Variants in CREB1 observed in about 807,000 individuals in gnomAD.
The protein encoded by CREB1 is cAMP responsive element binding protein 1, also known as cyclic AMP-responsive element-binding protein 1.
CREB1 carries 2 observed loss-of-function variants against 42.0 expected under a neutral mutation model. The ratio of observed to expected loss-of-function variants is 0.05; its 90% CI spans 0.02 to 0.15. The LOEUF is 0.15. CREB1 is among the 10% of genes least tolerant of loss of function. The probability of loss-of-function intolerance (pLI) is 1.00; values close to 1 mark genes in which losing one functional copy is unlikely to be tolerated. For missense variants in CREB1, 199 were observed against 388.9 expected (o/e 0.51, Z 4.11); for synonymous variants, 123 against 139.9 (o/e 0.88, Z 0.85).
At chr2:207,591,898 C>G (rs2106636709) in intron 7 of CREB1, among the ~76,000 whole-genome samples, 1 of 152,222 alleles carries the variant, frequency 6.6e-6, no homozygotes, top group Non-Finnish European at 1.5e-5. Context: ...AACTATGGCA[C>G]AAGTAGAAAT....
intron 7 of CREB1, chr2:207,581,637 G>A (rs1177863758): frequency 1.2e-5 from 5 of 413,098 alleles, no homozygotes; most frequent in Non-Finnish European, 2.1e-5. Flanking sequence ...AACTTACAAA[G>A]GAGTTTTAAA....
chr2:207,582,123 A>G, intron 7 of CREB1: 1 of 702,970 alleles, frequency 1.4e-6, no homozygotes, highest in Non-Finnish European at 2.6e-6. Context: ...CTCTTTGTCC[A>G]GCCCATATTC....
rs1156963323 is a variant in CREB1 at position 207,601,308 on chromosome 2, T to C, written c.*4250T>C. The C allele has an allele frequency of 5.4e-6, 1 of 185,456 alleles. No homozygotes were observed. The highest frequency in any genetic ancestry group is 1.1e-5 in the Non-Finnish European group (1 of 87,536). The allele number at this position is 185,456 out of a possible 1,614,324, so 11.5% of individuals were successfully genotyped here. A position where few individuals can be genotyped will look rare whatever the true frequency, so the allele number is the denominator to read the frequency against. On this transcript the variant is annotated 3_prime_UTR_variant, in exon 8 of 8. Transcript: ENST00000353267. ...ATTAGCAACTTAAGAAATTCCCTCATCAAGTAATTCTCAACTTTTTAGTCT... is the reference window on the plus strand; with the variant it reads ...ATTAGCAACTTAAGAAATTCCCTCACCAAGTAATTCTCAACTTTTTAGTCT...
intron 7 of CREB1, 102 bp from the exon 8 acceptor site, chr2:207,596,812 G>C: frequency 7.6e-7 from 1 of 1,319,522 alleles, no homozygotes; most frequent in Non-Finnish European, 1.1e-6. Flanking sequence ...TAAAATGTTG[G>C]TTGCTGTGAG....
chr2:207,533,163 AAG>A (rs1157029444), intron 1 of CREB1, among the ~76,000 whole-genome samples: 1 of 152,156 alleles, frequency 6.6e-6, no homozygotes. Context: ...AGAATGTTAA[AAG>A]AACACTTCTT....
intron 3 of CREB1, among the ~76,000 whole-genome samples, chr2:207,561,484 A>G (rs1238418653): frequency 6.6e-6 from 1 of 152,198 alleles, no homozygotes; most frequent in Non-Finnish European, 1.5e-5. Context: ...GTGATGATCC[A>G]AAATATATCT....
intron 5 of CREB1, 65 bp from the exon 6 acceptor site, chr2:207,575,207 G>C (rs1445175296): frequency 6.9e-7 from 1 of 1,443,806 alleles, no homozygotes; most frequent in South Asian, 1.3e-5. Flanking sequence ...TTCTACATTG[G>C]ATGTAATGTT....
At chr2:207,577,072 T>C in intron 6 of CREB1, 2 of 963,466 alleles carry the variant, frequency 2.1e-6, no homozygotes, top group South Asian at 9.3e-5. Flanking sequence ...ATTTTGCTAT[T>C]TTATGAAAAA....
chr2:207,565,461 A>T (rs76557125), intron 3 of CREB1, among the ~76,000 whole-genome samples: 1,727 of 152,198 alleles, frequency 0.011, 18 homozygotes, highest in Middle Eastern at 0.02. Context: ...TGAATTGACA[A>T]AATCTTACAG....
chr2:207,560,232 A>G lies in CREB1; in HGVS notation c.121A>G (p.Met41Val), dbSNP rs753443934. The G allele has an allele frequency of 1.1e-5, 18 of 1,608,208 alleles. No homozygotes were observed. The highest frequency in any genetic ancestry group is 8.4e-5 in the Admixed American group (5 of 59,694). The change falls in exon 3 of 8, where the codon ATG becomes GTG. Residue 41 changes from methionine to valine, a missense_variant. This residue lies in a region of CREB1 where 53 missense variants were observed against 57.1 expected (regional missense o/e 0.93). Coordinates refer to ENST00000353267, the MANE Select transcript of CREB1 (RefSeq NM_004379.5). Reference protein sequence around the residue: ...PQIATLAQVSMPAAHATSSAP... With the variant: ...PQIATLAQVSVPAAHATSSAP... Reference sequence around the variant, plus strand: ...TCTGTGTTCAACACCATAGGTATCTATGCCAGCAGCTCATGCAACATCATC... The same window carrying G: ...TCTGTGTTCAACACCATAGGTATCTGTGCCAGCAGCTCATGCAACATCATC...
At chr2:207,561,249 A>G (rs1369133940) in intron 3 of CREB1, 1 of 1,215,632 alleles carries the variant, frequency 8.2e-7, no homozygotes, top group Non-Finnish European at 1.2e-6. Flanking sequence ...TTTCCTCTAT[A>G]AACATGGAAT....
chr2:207,570,831 T>C (rs2551921), intron 5 of CREB1, among the ~76,000 whole-genome samples: 23,666 of 152,124 alleles, frequency 0.16, 2,033 homozygotes, highest in Middle Eastern at 0.2. Context: ...GATAGTAATA[T>C]ACTTTTTGGC....
At chr2:207,583,506 T>G (rs963299196) in intron 7 of CREB1, among the ~76,000 whole-genome samples, 3 of 152,216 alleles carry the variant, frequency 2.0e-5, no homozygotes, top group African/African-American at 7.2e-5. Flanking sequence ...TATACACTTC[T>G]TTTTGTTTTT....
chr2:207,566,993 C>G (rs1478800615), intron 3 of CREB1, among the ~76,000 whole-genome samples: 1 of 151,846 alleles, frequency 6.6e-6, no homozygotes, highest in African/African-American at 2.4e-5. Context: ...CTAGGAACAA[C>G]TGTCAGGGAT....
chr2:207,539,464 C>T (rs2081009314), intron 1 of CREB1, among the ~76,000 whole-genome samples: 1 of 152,040 alleles, frequency 6.6e-6, no homozygotes, highest in Non-Finnish European at 1.5e-5. Context: ...ATCATTTATT[C>T]AGTGAAGATT....
intron 5 of CREB1, among the ~76,000 whole-genome samples, chr2:207,574,430 T>C (rs2106563479): frequency 6.6e-6 from 1 of 152,338 alleles, no homozygotes; most frequent in African/African-American, 2.4e-5. Context: ...TCATCTAATT[T>C]TTAAATTAAA....
chr2:207,571,121 C>A (rs1450390589), intron 5 of CREB1, among the ~76,000 whole-genome samples: 3 of 140,558 alleles, frequency 2.1e-5, no homozygotes, highest in African/African-American at 7.7e-5. Flanking sequence ...TACCCTTTTC[C>A]CCACCCACCT....
intron 1 of CREB1, among the ~76,000 whole-genome samples, chr2:207,548,427 C>G (rs1470028701): frequency 6.6e-6 from 1 of 152,046 alleles, no homozygotes; most frequent in East Asian, 1.9e-4. Context: ...ATAAATAAAT[C>G]AGGGAATTTG....
At chr2:207,533,269 A>G (rs2080729058) in intron 1 of CREB1, among the ~76,000 whole-genome samples, 2 of 152,132 alleles carry the variant, frequency 1.3e-5, no homozygotes, top group Non-Finnish European at 2.9e-5. Context: ...GATCCATAAA[A>G]ATGGCACCTT....
Sources: gnomAD v4.1 joint callset for allele counts (sites outside exome capture counted in the v4.1 genomes callset) on GRCh38, gnomAD v4.1.1 for gene constraint, gnomAD v4.1.1 regional missense constraint, MANE v1.5 for transcripts, NCBI Gene and HGNC (gene_info 2026-07-23, HGNC 2026-07-21) for gene names.